Variants in NEGR1 observed in about 807,000 individuals in gnomAD.
The protein encoded by NEGR1 is IgLON family member 4.
NEGR1 carries 10 observed loss-of-function variants against 40.9 expected under a neutral mutation model. That is an observed-to-expected ratio of 0.24 (90% CI 0.15 to 0.42). NEGR1 has a LOEUF of 0.42. Ranked by LOEUF, NEGR1 falls within the 10% of genes least tolerant of loss-of-function variation. NEGR1 has a pLI of 1.00. For synonymous variants in NEGR1, 185 were observed against 166.8 expected (o/e 1.11, Z -0.84); for missense variants, 352 against 438.9 (o/e 0.80, Z 1.77).
chr1:71,898,994 A>AG (rs1661067240), intron 2 of NEGR1, among the ~76,000 whole-genome samples: 1 of 77,102 alleles, frequency 1.3e-5, no homozygotes, highest in African/African-American at 3.8e-5. Context: ...ATATATATAT[A>AG]TATATATATA....
At chr1:72,144,900 T>C (rs1309108022) in intron 1 of NEGR1, among the ~76,000 whole-genome samples, 1 of 152,134 alleles carries the variant, frequency 6.6e-6, no homozygotes, top group Non-Finnish European at 1.5e-5. Context: ...GGAGATTTGA[T>C]CTTGGTCTTT....
At chr1:72,146,861 A>G (rs1383909916) in intron 1 of NEGR1, among the ~76,000 whole-genome samples, 1 of 152,206 alleles carries the variant, frequency 6.6e-6, no homozygotes, top group Non-Finnish European at 1.5e-5. Flanking sequence ...AGGTAATCAC[A>G]TAATTAAGTG....
chr1:72,137,394 A>T (rs1570024652), intron 1 of NEGR1, among the ~76,000 whole-genome samples: 1 of 152,186 alleles, frequency 6.6e-6, no homozygotes, highest in Non-Finnish European at 1.5e-5. Flanking sequence ...GCACACATAC[A>T]CCATGGAATA....
intron 1 of NEGR1, among the ~76,000 whole-genome samples, chr1:72,229,057 T>C (rs1408989020): frequency 1.3e-5 from 2 of 152,062 alleles, no homozygotes; most frequent in Non-Finnish European, 2.9e-5. Flanking sequence ...AGGCATTCAG[T>C]AAAATTAAAT....
At chr1:71,562,101 T>C (rs559219483) in intron 6 of NEGR1, among the ~76,000 whole-genome samples, 1 of 151,908 alleles carries the variant, frequency 6.6e-6, no homozygotes, top group South Asian at 2.1e-4. Context: ...TCTTGCCCTG[T>C]AGCCAAAAAC....
At chr1:72,112,513 C>A (rs114803397) in intron 1 of NEGR1, among the ~76,000 whole-genome samples, 1 of 151,580 alleles carries the variant, frequency 6.6e-6, no homozygotes, top group Non-Finnish European at 1.5e-5. Context: ...ATTTGTATGG[C>A]TTGACTAATA....
intron 1 of NEGR1, among the ~76,000 whole-genome samples, chr1:71,984,809 C>T (rs1646381393): frequency 6.6e-6 from 1 of 152,054 alleles, no homozygotes; most frequent in Non-Finnish European, 1.5e-5. Context: ...GGCCAGAATT[C>T]TAGGTCTGTC....
At chr1:71,735,111 T>A (rs935609026) in intron 3 of NEGR1, among the ~76,000 whole-genome samples, 1 of 152,148 alleles carries the variant, frequency 6.6e-6, no homozygotes, top group African/African-American at 2.4e-5. Context: ...TACATCAACA[T>A]GTTCATATGG....
intron 6 of NEGR1, among the ~76,000 whole-genome samples, chr1:71,545,839 T>C (rs1647877542): frequency 6.6e-6 from 1 of 151,668 alleles, no homozygotes; most frequent in African/African-American, 2.4e-5. Flanking sequence ...ACTCCTCCCA[T>C]GCATATATTT....
chr1:72,111,048 C>T (rs772903548), intron 1 of NEGR1, among the ~76,000 whole-genome samples: 17 of 150,150 alleles, frequency 1.1e-4, no homozygotes, highest in Non-Finnish European at 2.2e-4. Context: ...GGTAATTACA[C>T]TAAATTTTTA....
chr1:71,978,619 T>C (rs1195576521), intron 1 of NEGR1, among the ~76,000 whole-genome samples: 1 of 152,074 alleles, frequency 6.6e-6, no homozygotes, highest in Non-Finnish European at 1.5e-5. Flanking sequence ...TCAATATCAC[T>C]GATCGTTAGA....
chr1:71,794,462 G>C (rs1243911221), intron 2 of NEGR1: 1 of 151,890 alleles, frequency 6.6e-6, no homozygotes, highest in Non-Finnish European at 1.5e-5. Flanking sequence ...ACACACACAG[G>C]TTTTGAATAT....
At chr1:71,658,846 AT>A (rs565895473) in intron 4 of NEGR1, among the ~76,000 whole-genome samples, 27 of 152,306 alleles carry the variant, frequency 1.8e-4, no homozygotes, top group African/African-American at 6.0e-4. Flanking sequence ...TAAAAACATT[AT>A]TGTAGGTCAC....
At chr1:72,207,435 T>A (rs1017080573) in intron 1 of NEGR1, among the ~76,000 whole-genome samples, 1 of 151,764 alleles carries the variant, frequency 6.6e-6, no homozygotes, top group Non-Finnish European at 1.5e-5. Flanking sequence ...TTTTTATATA[T>A]AGAAAGAATG....
intron 1 of NEGR1, among the ~76,000 whole-genome samples, chr1:72,247,956 G>T (rs72941292): frequency 6.6e-6 from 1 of 152,068 alleles, no homozygotes; most frequent in Admixed American, 6.6e-5. Flanking sequence ...CATGGTGGAA[G>T]GCAAAAAGTA....
Position 72,091,097 on chromosome 1 carries a change from G to T in NEGR1, c.177-155786C>A, listed in dbSNP as rs181552728. On this transcript the variant is annotated intron_variant, in intron 1 of 6. Transcript: ENST00000357731. ...CTCCAAAATTGCAAAAGATGGGTTC[G>T]GTCAGAGTTTTCCAACCCTCTAGAC... 5.9e-5 allele frequency among the ~76,000 whole-genome samples: 9 copies of T among 152,094 alleles called. No individual in the cohort carries two copies. In the East Asian group the frequency reaches 1.7e-3, roughly 29 times the overall value.
intron 2 of NEGR1, among the ~76,000 whole-genome samples, chr1:71,926,594 A>C (rs1474310579): frequency 1.3e-5 from 2 of 152,020 alleles, no homozygotes; most frequent in African/African-American, 4.8e-5. Context: ...TCTATAGGAA[A>C]AAAAAAAAGA....
At chr1:72,252,489 C>CA (rs1021777767) in intron 1 of NEGR1, among the ~76,000 whole-genome samples, 1 of 152,184 alleles carries the variant, frequency 6.6e-6, no homozygotes, top group Non-Finnish European at 1.5e-5. Context: ...CCTAAAACCA[C>CA]AAATTTGGTT....
At chr1:71,836,269 T>C (rs1041529007) in intron 2 of NEGR1, among the ~76,000 whole-genome samples, 1 of 151,676 alleles carries the variant, frequency 6.6e-6, no homozygotes, top group Non-Finnish European at 1.5e-5. Context: ...CTGGCCAATA[T>C]GGTGAAATCT....
Sources: gnomAD v4.1 joint callset for allele counts (sites outside exome capture counted in the v4.1 genomes callset) on GRCh38, gnomAD v4.1.1 for gene constraint, MANE v1.5 for transcripts, NCBI Gene and HGNC (gene_info 2026-07-23, HGNC 2026-07-21) for gene names.